SAMD12: variants seen among roughly 807,000 people sequenced by gnomAD.
SAMD12 encodes the protein sterile alpha motif domain containing 12.
SAMD12 carries 9 observed loss-of-function variants against 15.0 expected under a neutral mutation model. The observed-to-expected ratio is 0.60, with a 90% CI of 0.36 to 1.05. The LOEUF is 1.05. SAMD12 is among the 50% of genes least tolerant of loss of function. SAMD12 has a pLI of 0.01. For missense variants in SAMD12, 230 were observed against 234.2 expected (o/e 0.98, Z 0.12); for synonymous variants, 86 against 90.1 (o/e 0.96, Z 0.25).
intron 4 of SAMD12, among the ~76,000 whole-genome samples, chr8:118,212,707 A>G (rs899190100): frequency 6.6e-6 from 1 of 152,230 alleles, no homozygotes; most frequent in Admixed American, 6.5e-5. Flanking sequence ...GCCAAATTAT[A>G]GTATAATATT....
chr8:118,365,218 G>T (rs748979933), intron 4 of SAMD12, among the ~76,000 whole-genome samples: 3 of 152,112 alleles, frequency 2.0e-5, no homozygotes, highest in Non-Finnish European at 2.9e-5. Context: ...TCATGCTCCT[G>T]GAACACACCA....
At chr8:118,540,604 T>C (rs1020255645) in intron 2 of SAMD12, among the ~76,000 whole-genome samples, 1 of 152,262 alleles carries the variant, frequency 6.6e-6, no homozygotes, top group Non-Finnish European at 1.5e-5. Flanking sequence ...ATTCTAAACA[T>C]ATCAGAGGAA....
intron 3 of SAMD12, among the ~76,000 whole-genome samples, chr8:118,389,950 T>C (rs1467176975): frequency 6.6e-6 from 1 of 152,150 alleles, no homozygotes; most frequent in Non-Finnish European, 1.5e-5. Flanking sequence ...ATATGGGTCA[T>C]AGCCAAACAA....
chr8:118,574,431 T>C (rs192089982), intron 2 of SAMD12, among the ~76,000 whole-genome samples: 2 of 152,338 alleles, frequency 1.3e-5, no homozygotes, highest in Non-Finnish European at 2.9e-5. Context: ...GTGTTTTAGG[T>C]AGACTGTGTC....
At chr8:118,199,296 T>G (rs1031367694) in intron 4 of SAMD12, among the ~76,000 whole-genome samples, 1 of 152,166 alleles carries the variant, frequency 6.6e-6, no homozygotes, top group African/African-American at 2.4e-5. Context: ...ACCTTGAAAA[T>G]AAATACTTTG....
intron 3 of SAMD12, 49 bp from the exon 4 acceptor site, chr8:118,379,749 A>T (rs1333748378): frequency 3.2e-6 from 5 of 1,586,306 alleles, no homozygotes; most frequent in Non-Finnish European, 4.3e-6. Flanking sequence ...CTACTTGCTG[A>T]AGAAAGATGT....
chr8:118,369,038 T>C (rs1818944089), intron 4 of SAMD12, among the ~76,000 whole-genome samples: 1 of 152,264 alleles, frequency 6.6e-6, no homozygotes, highest in Non-Finnish European at 1.5e-5. Context: ...GTCTCTATGA[T>C]GGCATACATC....
chr8:118,192,932 G>A (rs1178103031), exon 5 of SAMD12: 1 of 152,182 alleles, frequency 6.6e-6, no homozygotes, highest in Non-Finnish European at 1.5e-5. Context: ...ATAGCCTTAC[G>A]TGGCAAATTG....
the SAMD12 span, among the ~76,000 whole-genome samples, chr8:118,171,361 T>C: frequency 2.6e-5 from 4 of 152,126 alleles, no homozygotes; most frequent in East Asian, 1.9e-4. Context: ...AATAAAAACA[T>C]TTGCACACAT....
At chr8:118,406,088 G>GT (rs1821116086) in intron 3 of SAMD12, among the ~76,000 whole-genome samples, 1 of 152,004 alleles carries the variant, frequency 6.6e-6, no homozygotes, top group African/African-American at 2.4e-5. Context: ...CCAAATCTAA[G>GT]TATTTTCCTC....
intron 4 of SAMD12, among the ~76,000 whole-genome samples, chr8:118,293,027 T>C (rs562135132): frequency 3.3e-4 from 50 of 152,106 alleles, no homozygotes; most frequent in African/African-American, 1.2e-3. Context: ...AATGTGCACA[T>C]GTACCCTAAA....
At chr8:118,160,188 T>C in the SAMD12 span, among the ~76,000 whole-genome samples, 5,158 of 152,296 alleles carry the variant, frequency 0.034, 266 homozygotes, top group African/African-American at 0.11. Flanking sequence ...AAAAGATATA[T>C]AATACCTGTA....
chr8:118,417,136 A>C (rs571396275), intron 3 of SAMD12, among the ~76,000 whole-genome samples: 1 of 152,044 alleles, frequency 6.6e-6, no homozygotes, highest in East Asian at 1.9e-4. Flanking sequence ...GCTGGAGTGC[A>C]CTGGTACAAT....
At chr8:118,411,669 G>A (rs1175870941) in intron 3 of SAMD12, among the ~76,000 whole-genome samples, 1 of 152,086 alleles carries the variant, frequency 6.6e-6, no homozygotes, top group Admixed American at 6.5e-5. Flanking sequence ...ATTCCAATAA[G>A]ATTCCTGGAA....
At chr8:118,244,445 T>C (rs946516113) in intron 4 of SAMD12, among the ~76,000 whole-genome samples, 1 of 152,170 alleles carries the variant, frequency 6.6e-6, no homozygotes, top group Non-Finnish European at 1.5e-5. Flanking sequence ...CTTATATATC[T>C]GTCTTCTTCC....
At chr8:118,214,929 C>T (rs1429292430) in intron 4 of SAMD12, among the ~76,000 whole-genome samples, 1 of 152,138 alleles carries the variant, frequency 6.6e-6, no homozygotes, top group Non-Finnish European at 1.5e-5. Context: ...TTAGATAGGA[C>T]CAATCCTCAG....
chr8:118,436,067 C>G (rs1460382933), intron 3 of SAMD12, among the ~76,000 whole-genome samples: 1 of 152,150 alleles, frequency 6.6e-6, no homozygotes, highest in Admixed American at 6.5e-5. Context: ...TAAAATTGCT[C>G]CCTAGAATCA....
chr8:118,427,946 T>A (rs187831536), intron 3 of SAMD12, among the ~76,000 whole-genome samples: 10 of 152,292 alleles, frequency 6.6e-5, no homozygotes, highest in African/African-American at 2.4e-4. Flanking sequence ...TGGGTATGGC[T>A]TGGTATGGGA....
At chr8:118,395,352 C>T (rs1471799804) in intron 3 of SAMD12, among the ~76,000 whole-genome samples, 2 of 152,146 alleles carry the variant, frequency 1.3e-5, no homozygotes, top group East Asian at 3.9e-4. Context: ...TCCTTCTTTC[C>T]CTTTTCATAA....
Sources: allele counts gnomAD v4.1 joint callset (sites outside exome capture counted in the v4.1 genomes callset), GRCh38; gene constraint gnomAD v4.1.1; transcripts MANE v1.5; gene names NCBI Gene and HGNC (gene_info 2026-07-23, HGNC 2026-07-21).